PLXNA4: variants seen among roughly 807,000 people sequenced by gnomAD.
PLXNA4 encodes plexin-A4.
A neutral mutation model predicts 191.8 loss-of-function variants in PLXNA4; 44 were observed. The ratio of observed to expected loss-of-function variants is 0.23; its 90% confidence interval spans 0.18 to 0.29. PLXNA4 has a LOEUF of 0.29. PLXNA4 is among the 10% of genes least tolerant of loss of function. The probability of loss-of-function intolerance (pLI) is 1.00; values close to 1 mark genes in which losing one functional copy is unlikely to be tolerated. For synonymous variants in PLXNA4, 1,082 were observed against 1,009.5 expected (o/e 1.07, Z -1.36); for missense variants, 1,800 against 2,488.8 (o/e 0.72, Z 5.89).
At chr7:132,522,500 G>C (rs998101389) in intron 1 of PLXNA4, among the ~76,000 whole-genome samples, 1 of 152,220 alleles carries the variant, frequency 6.6e-6, no homozygotes, top group African/African-American at 2.4e-5. Context: ...TGGGTGTGTT[G>C]ACTCACGCCT....
At chr7:132,314,091 G>T (rs1046702649) in intron 3 of PLXNA4, among the ~76,000 whole-genome samples, 4 of 152,090 alleles carry the variant, frequency 2.6e-5, no homozygotes, top group African/African-American at 9.7e-5. Context: ...TCACTTTGAG[G>T]AGCACAGGAA....
chr7:132,628,279 T>C (rs1803420756), intron 2 of PLXNA4, among the ~76,000 whole-genome samples: 1 of 152,178 alleles, frequency 6.6e-6, no homozygotes, highest in South Asian at 2.1e-4. Flanking sequence ...ACTTTTAATG[T>C]TGTTGATGAG....
At chr7:132,154,080 C>A (rs1405597545) in intron 25 of PLXNA4, among the ~76,000 whole-genome samples, 3 of 152,176 alleles carry the variant, frequency 2.0e-5, no homozygotes, top group Non-Finnish European at 4.4e-5. Flanking sequence ...TCCACCCCTG[C>A]CACCTTTTCT....
intron 4 of PLXNA4, among the ~76,000 whole-genome samples, chr7:132,261,856 C>T (rs749851208): frequency 7.9e-5 from 12 of 152,220 alleles, no homozygotes; most frequent in Admixed American, 2.0e-4. Context: ...CCAACCTACA[C>T]AACAGTATAC....
intron 1 of PLXNA4, among the ~76,000 whole-genome samples, chr7:132,547,344 G>C (rs1258511958): frequency 6.6e-6 from 1 of 152,138 alleles, no homozygotes; most frequent in Non-Finnish European, 1.5e-5. Flanking sequence ...ACTTTAATCT[G>C]ATTTCGGAGT....
intron 2 of PLXNA4, among the ~76,000 whole-genome samples, chr7:132,628,825 C>A (rs751845281): frequency 2.0e-5 from 3 of 152,214 alleles, no homozygotes; most frequent in Non-Finnish European, 2.9e-5. Flanking sequence ...TGTCTTACAT[C>A]TCAAAGCATT....
At chr7:132,375,284 C>A (rs965688229) in intron 3 of PLXNA4, among the ~76,000 whole-genome samples, 12 of 54,014 alleles carry the variant, frequency 2.2e-4, no homozygotes, top group South Asian at 6.4e-4. Flanking sequence ...TCCATCCCGC[C>A]CCCCCCCACG....
At chr7:132,535,050 A>ATTTT (rs1799776257) in intron 1 of PLXNA4, among the ~76,000 whole-genome samples, 2 of 152,362 alleles carry the variant, frequency 1.3e-5, no homozygotes, top group South Asian at 4.1e-4. Context: ...TAATGCAGGC[A>ATTTT]CTGGTAATCA....
intron 1 of PLXNA4, among the ~76,000 whole-genome samples, chr7:132,523,179 T>C (rs1378795723): frequency 2.0e-5 from 3 of 152,164 alleles, no homozygotes; most frequent in Non-Finnish European, 4.4e-5. Flanking sequence ...TTACATTTAA[T>C]AGGGAGGATA....
intron 12 of PLXNA4, 125 bp downstream of exon 12, chr7:132,202,521 G>T: frequency 9.5e-7 from 1 of 1,047,530 alleles, no homozygotes; most frequent in South Asian, 3.1e-5. Flanking sequence ...CAGCCAGGCA[G>T]AGCAACCAAG....
chr7:132,232,228 G>A (rs1325419036), intron 5 of PLXNA4, among the ~76,000 whole-genome samples: 1 of 152,082 alleles, frequency 6.6e-6, no homozygotes, highest in East Asian at 1.9e-4. Flanking sequence ...CATTCCAAGA[G>A]GCCTCAGGTA....
rs760569806 is a variant in PLXNA4 at position 132,164,297 on chromosome 7, GAGA to G, written c.4354-12_4354-10del. ...GGCTCCCCAGCACACTCCTGGAGGTGAGAAGAACGTCATTAGGAGGAGCTCTTG... is the reference window on the plus strand; with the variant it reads ...GGCTCCCCAGCACACTCCTGGAGGTGAGAACGTCATTAGGAGGAGCTCTTG... On this transcript the variant is annotated splice_polypyrimidine_tract_variant and intron_variant, in intron 23 of 31. Transcript: ENST00000321063. 1 of 1,613,488 alleles carries G rather than the reference GAGA, an allele frequency of 6.2e-7. No individual in the cohort carries two copies. Among genetic ancestry groups the G allele is most frequent in the South Asian group, 1.1e-5 (1 of 91,058 alleles).
chr7:132,237,178 T>C (rs1798729679), intron 5 of PLXNA4, among the ~76,000 whole-genome samples: 1 of 152,200 alleles, frequency 6.6e-6, no homozygotes, highest in African/African-American at 2.4e-5. Context: ...TTATTAAAAA[T>C]ATCTTAGAAA....
intron 2 of PLXNA4, 59 bp from the exon 3 acceptor site, chr7:132,489,533 T>A: frequency 1.4e-6 from 2 of 1,385,816 alleles, no homozygotes; most frequent in Non-Finnish European, 2.0e-6. Flanking sequence ...GGCAGAGATA[T>A]TAAGTCAGGA....
chr7:132,380,464 A>G (rs779362090), intron 3 of PLXNA4, among the ~76,000 whole-genome samples: 2 of 145,520 alleles, frequency 1.4e-5, no homozygotes, highest in Non-Finnish European at 3.0e-5. Context: ...CAGAAGGACC[A>G]AGGCACCGAG....
At chr7:132,213,676 C>T (rs776699014) in intron 9 of PLXNA4, among the ~76,000 whole-genome samples, 4 of 152,118 alleles carry the variant, frequency 2.6e-5, no homozygotes, top group African/African-American at 4.8e-5. Flanking sequence ...GTTGGCAGCT[C>T]GAGGAGAGCA....
chr7:132,225,615 C>G (rs1018364965), intron 8 of PLXNA4, among the ~76,000 whole-genome samples: 6 of 92,438 alleles, frequency 6.5e-5, no homozygotes, highest in African/African-American at 1.6e-4. Context: ...AGCCAGAGTC[C>G]GCCCCCCCCC....
At chr7:132,543,475 T>G (rs1315231580) in intron 1 of PLXNA4, among the ~76,000 whole-genome samples, 3 of 152,238 alleles carry the variant, frequency 2.0e-5, no homozygotes, top group African/African-American at 7.2e-5. Context: ...CCTTACTAGC[T>G]TTCATATGTC....
intron 3 of PLXNA4, among the ~76,000 whole-genome samples, chr7:132,334,461 T>C (rs757670765): frequency 3.1e-4 from 47 of 151,962 alleles, no homozygotes; most frequent in Non-Finnish European, 5.9e-4. Flanking sequence ...TCTCACTATG[T>C]TGCCCAGGCT....
Sources: allele counts gnomAD v4.1 joint callset (sites outside exome capture counted in the v4.1 genomes callset), GRCh38; gene constraint gnomAD v4.1.1; transcripts MANE v1.5; gene names NCBI Gene and HGNC (gene_info 2026-07-23, HGNC 2026-07-21).